The following PPP2R2B variants were observed in gnomAD, a reference collection of about 807,000 sequenced individuals.
The protein encoded by PPP2R2B is protein phosphatase 2 regulatory subunit Bbeta.
Under a neutral mutation model 46.0 loss-of-function variants are expected in PPP2R2B, and 5 were observed. The observed-to-expected ratio is 0.11, with a 90% confidence interval of 0.06 to 0.23. The LOEUF (loss-of-function observed/expected upper bound fraction) is 0.23, where lower values mean the gene tolerates loss of function less well. Among genes scored for constraint, PPP2R2B ranks in the 10% least tolerant of loss-of-function variants. PPP2R2B has a pLI of 1.00. For synonymous variants in PPP2R2B, 215 were observed against 206.7 expected, an observed-to-expected ratio of 1.04 and a Z score of -0.34; for missense variants, 367 against 575.0, an observed-to-expected ratio of 0.64 and a Z score of 3.70.
chr5:146,769,408 G>C (rs1330199623), intron 2 of PPP2R2B, among the ~76,000 whole-genome samples: 1 of 152,180 alleles, frequency 6.6e-6, no homozygotes, highest in Admixed American at 6.5e-5. Flanking sequence ...AGTTTGCGCA[G>C]TTCTATGGCA....
intron 2 of PPP2R2B, among the ~76,000 whole-genome samples, chr5:146,727,891 C>A (rs1274987258): frequency 3.3e-5 from 5 of 152,022 alleles, no homozygotes; most frequent in Non-Finnish European, 2.9e-5. Flanking sequence ...CGAAAACCAG[C>A]CCCGGGTAAC....
chr5:146,805,579 A>G (rs1303981205), intron 2 of PPP2R2B, among the ~76,000 whole-genome samples: 1 of 152,206 alleles, frequency 6.6e-6, no homozygotes, highest in African/African-American at 2.4e-5. Flanking sequence ...CTCTTTATTC[A>G]ATGAGTCTGT....
chr5:146,706,075 C>T (rs1387828134), intron 2 of PPP2R2B, among the ~76,000 whole-genome samples: 14 of 152,110 alleles, frequency 9.2e-5, no homozygotes, highest in African/African-American at 2.4e-4. Context: ...AACTCCCCCG[C>T]GGGTGGGCTG....
chr5:146,667,326 GCGCGCGCACACACA>G (rs1777050883), intron 5 of PPP2R2B, among the ~76,000 whole-genome samples: 28 of 50,704 alleles, frequency 5.5e-4, no homozygotes, highest in Non-Finnish European at 1.3e-3. Flanking sequence ...GAATAGGCGT[GCGCGCGCACACACA>G]CACACACACA....
Position 146,698,037 on chromosome 5 carries a change from G to A in PPP2R2B, c.276C>T (p.Ile92=). 3 of 1,613,164 alleles carry A rather than the reference G, an allele frequency of 1.9e-6. No homozygotes were observed. Among genetic ancestry groups the A allele is most frequent in the Non-Finnish European group, 2.5e-6 (3 of 1,179,642 alleles). The change falls in exon 4 of 10, where the codon ATC becomes ATT. Residue 92 remains isoleucine (I), a synonymous_variant. Transcript: ENST00000394411. The part of the protein sequence containing the change: ...YLKSLEIEEK[I]NKIRWLPQQN... ...GCTGGGGGAGCCATCTTATTTTATT[G>A]ATTTTTTCTTCTATTTCTAAACTCT...
chr5:146,654,981 G>C, intron 5 of PPP2R2B, among the ~76,000 whole-genome samples: 1 of 152,202 alleles, frequency 6.6e-6, no homozygotes, highest in East Asian at 1.9e-4. Flanking sequence ...TAATTGATGG[G>C]GCTAGGATCA....
chr5:146,848,307 T>A (rs1760130416), intron 2 of PPP2R2B, among the ~76,000 whole-genome samples: 1 of 152,196 alleles, frequency 6.6e-6, no homozygotes, highest in Admixed American at 6.5e-5. Flanking sequence ...GCAATATTGG[T>A]ATGTAATCAT....
intron 1 of PPP2R2B, among the ~76,000 whole-genome samples, chr5:146,951,844 A>T (rs1039008784): frequency 6.6e-6 from 1 of 152,122 alleles, no homozygotes; most frequent in Non-Finnish European, 1.5e-5. Context: ...TCTTTATAAT[A>T]CAATGATTTA....
At chr5:146,864,698 T>C (rs1245410519) in intron 2 of PPP2R2B, among the ~76,000 whole-genome samples, 1 of 152,200 alleles carries the variant, frequency 6.6e-6, no homozygotes. Context: ...GAATTGAGCC[T>C]GCCTCTCCTC....
At chr5:146,760,292 G>C (rs1033593230) in intron 2 of PPP2R2B, among the ~76,000 whole-genome samples, 1 of 152,180 alleles carries the variant, frequency 6.6e-6, no homozygotes, top group Non-Finnish European at 1.5e-5. Context: ...TGAAGGAACT[G>C]AAGTATATGG....
At chr5:146,805,484 A>G (rs186528295) in intron 2 of PPP2R2B, among the ~76,000 whole-genome samples, 1 of 152,322 alleles carries the variant, frequency 6.6e-6, no homozygotes, top group East Asian at 1.9e-4. Context: ...AAGCAGATAG[A>G]TCATTCCTCA....
At position 146,691,202 on chromosome 5, in the gene PPP2R2B, T is replaced by G; in HGVS notation, c.373A>C (p.Lys125Gln). ...VKLWKVSERD[K>Q]RPEGYNLKDE... is the part of the protein sequence containing the mutation. ...TTCAGATTGTAGCCTTCTGGCCTCT[T>G]ATCACGCTCGCTGACTTTCCACAGC... Residue 125 changes from lysine (K) to glutamine (Q), a missense_variant, in exon 5 of 10, where the codon AAG (lysine) becomes CAG (glutamine). Lys to Gln is a moderately conservative substitution (Grantham distance 53). This residue lies in a region of PPP2R2B where 361 missense variants were observed against 545.5 expected (regional missense o/e 0.66). Transcript: ENST00000394411. 1.2e-6 allele frequency: 2 copies of G among 1,614,132 alleles called. No homozygotes were observed. Among genetic ancestry groups the G allele is most frequent in the Non-Finnish European group, 1.7e-6 (2 of 1,180,020 alleles).
rs190991691 is a variant in PPP2R2B, at chr5:146,692,377, T to C, written c.335-1137A>G. ...ACTTGATGACACCTGGCATTCTCTA[T>C]AGCATTAAAACAGAGAACTCCTATC... On this transcript the variant is annotated intron_variant, in intron 4 of 9. Coordinates refer to ENST00000394411, the MANE Select transcript of PPP2R2B (RefSeq NM_181675.4). 2.5e-3 allele frequency among the ~76,000 whole-genome samples: 374 copies of C among 152,218 alleles called. 1 individual carries two copies. Among genetic ancestry groups the C allele is most frequent in the Non-Finnish European group, 3.5e-3 (241 of 68,010 alleles).
intron 2 of PPP2R2B, among the ~76,000 whole-genome samples, chr5:146,745,377 A>T (rs1753126835): frequency 6.6e-6 from 1 of 151,912 alleles, no homozygotes; most frequent in Admixed American, 6.6e-5. Flanking sequence ...TTTGGCCATA[A>T]AAATGGGATC....
At chr5:146,745,775 T>C (rs928588179) in intron 2 of PPP2R2B, among the ~76,000 whole-genome samples, 80 of 152,246 alleles carry the variant, frequency 5.3e-4, no homozygotes, top group African/African-American at 1.9e-3. Context: ...CTGGACAACA[T>C]GGTGAAATCC....
At chr5:146,941,576 T>C (rs1338046699) in intron 1 of PPP2R2B, among the ~76,000 whole-genome samples, 1 of 152,114 alleles carries the variant, frequency 6.6e-6, no homozygotes, top group Non-Finnish European at 1.5e-5. Flanking sequence ...AAACATTAGG[T>C]TGGTGCAATT....
rs115353523 is a variant in PPP2R2B, at chr5:146,843,675, T to G, written c.70+34327A>C. 5.3e-3 allele frequency among the ~76,000 whole-genome samples: 803 copies of G among 152,314 alleles called. 10 individuals carry two copies. The highest frequency in any genetic ancestry group is 0.018 in the African/African-American group (766 of 41,566). On this transcript the variant is annotated intron_variant, in intron 2 of 9. Coordinates refer to ENST00000394411, the MANE Select transcript of PPP2R2B (RefSeq NM_181675.4). The stretch of plus-strand genomic sequence containing the variant: ...ATAACTTGGGAATGGTTCTACTTGC[T>G]TCTTCTATCTTACAGAGTTATCATG...
At chr5:146,653,534 A>G (rs1776122266) in intron 5 of PPP2R2B, among the ~76,000 whole-genome samples, 1 of 152,104 alleles carries the variant, frequency 6.6e-6, no homozygotes, top group African/African-American at 2.4e-5. Flanking sequence ...TCAAAGCAGG[A>G]CCCCAAGGGT....
chr5:146,977,764 C>A (rs1752987744), intron 1 of PPP2R2B, among the ~76,000 whole-genome samples: 1 of 152,090 alleles, frequency 6.6e-6, no homozygotes, highest in Non-Finnish European at 1.5e-5. Context: ...TTTTCTTTAT[C>A]CAGTCTACTG....
Sources: allele counts gnomAD v4.1 joint callset (sites outside exome capture counted in the v4.1 genomes callset), GRCh38; gene constraint gnomAD v4.1.1; regional missense constraint gnomAD v4.1.1; transcripts MANE v1.5; gene names NCBI Gene and HGNC (gene_info 2026-07-23, HGNC 2026-07-21).